The following KCNJ3 variants were observed in gnomAD, a reference collection of about 807,000 sequenced individuals.
The protein encoded by KCNJ3 is G protein-activated inward rectifier potassium channel 1.
A neutral mutation model predicts 39.2 loss-of-function variants in KCNJ3; 4 were observed. The observed-to-expected ratio is 0.10, with a 90% confidence interval of 0.05 to 0.23. The LOEUF (loss-of-function observed/expected upper bound fraction) is 0.23. Among genes scored for constraint, KCNJ3 ranks in the 10% least tolerant of loss-of-function variants. The pLI is 1.00. For synonymous variants in KCNJ3, 230 were observed against 237.4 expected, an observed-to-expected ratio of 0.97 and a Z score of 0.29; for missense variants, 276 against 634.9, an observed-to-expected ratio of 0.43 and a Z score of 6.08.
chr2:154,802,951 T>C (rs1374847541), intron 2 of KCNJ3, among the ~76,000 whole-genome samples: 1 of 152,088 alleles, frequency 6.6e-6, no homozygotes, highest in Non-Finnish European at 1.5e-5. Context: ...ACCCACTTTC[T>C]AACAGTAAAT....
At chr2:154,762,104 G>A (rs2105189659) in intron 2 of KCNJ3, among the ~76,000 whole-genome samples, 1 of 152,306 alleles carries the variant, frequency 6.6e-6, no homozygotes, top group Admixed American at 6.5e-5. Context: ...GGAGCCTCCA[G>A]CAGGAACACA....
chr2:154,841,802 T>G (rs1459765497), intron 2 of KCNJ3, among the ~76,000 whole-genome samples: 1 of 152,202 alleles, frequency 6.6e-6, no homozygotes, highest in African/African-American at 2.4e-5. Context: ...CATTTTTTAT[T>G]GCATCTATTT....
intron 2 of KCNJ3, among the ~76,000 whole-genome samples, chr2:154,791,766 C>G (rs1353107611): frequency 6.6e-6 from 1 of 151,912 alleles, no homozygotes; most frequent in Non-Finnish European, 1.5e-5. Context: ...GTGATTCAAG[C>G]AGAAAATACA....
intron 2 of KCNJ3, among the ~76,000 whole-genome samples, chr2:154,798,885 A>C (rs1018838672): frequency 6.6e-6 from 1 of 151,834 alleles, no homozygotes; most frequent in Non-Finnish European, 1.5e-5. Context: ...TATGAATAGT[A>C]CTGATGGTGT....
intron 2 of KCNJ3, among the ~76,000 whole-genome samples, chr2:154,844,376 T>G (rs1687630951): frequency 6.6e-6 from 1 of 152,208 alleles, no homozygotes; most frequent in Admixed American, 6.5e-5. Context: ...TATTGGGAGA[T>G]GTCTCCCAGT....
At chr2:154,715,954 T>G (rs1360361908) in intron 2 of KCNJ3, among the ~76,000 whole-genome samples, 3 of 152,216 alleles carry the variant, frequency 2.0e-5, no homozygotes, top group African/African-American at 7.2e-5. Context: ...CCATTTTAGA[T>G]AAATTCTCTG....
chr2:154,742,925 T>C (rs1685676583), intron 2 of KCNJ3, among the ~76,000 whole-genome samples: 1 of 151,888 alleles, frequency 6.6e-6, no homozygotes, highest in Non-Finnish European at 1.5e-5. Flanking sequence ...TTTTGTATCA[T>C]AGCCAAAAAA....
intron 2 of KCNJ3, among the ~76,000 whole-genome samples, chr2:154,770,892 C>CTTTT (rs35293315): frequency 7.8e-6 from 1 of 127,684 alleles, no homozygotes; most frequent in African/African-American, 2.9e-5. Context: ...TTTTCTTTTT[C>CTTTT]TTTTTTTTTT....
chr2:154,785,259 T>C (rs1472353573), intron 2 of KCNJ3, among the ~76,000 whole-genome samples: 1 of 152,210 alleles, frequency 6.6e-6, no homozygotes, highest in Non-Finnish European at 1.5e-5. Context: ...AGAAATTGAT[T>C]CCTCACAGTT....
intron 2 of KCNJ3, among the ~76,000 whole-genome samples, chr2:154,762,502 A>G (rs1018135819): frequency 3.9e-5 from 6 of 152,166 alleles, no homozygotes; most frequent in African/African-American, 1.4e-4. Flanking sequence ...TGTAATAAGG[A>G]GATTCTAGAC....
chr2:154,764,463 A>G (rs916758419), intron 2 of KCNJ3, among the ~76,000 whole-genome samples: 3 of 152,206 alleles, frequency 2.0e-5, no homozygotes, highest in African/African-American at 7.2e-5. Flanking sequence ...ACAGCCTGGC[A>G]TTGGCATGAA....
chr2:154,797,494 T>C (rs1457686899), intron 2 of KCNJ3, among the ~76,000 whole-genome samples: 1 of 152,168 alleles, frequency 6.6e-6, no homozygotes. Flanking sequence ...TGGTATCTGA[T>C]GATTTTAGCC....
chr2:154,849,959 T>C (rs868065341), intron 2 of KCNJ3, among the ~76,000 whole-genome samples: 56 of 142,506 alleles, frequency 3.9e-4, no homozygotes, highest in African/African-American at 1.1e-3. Flanking sequence ...AACAATAATA[T>C]ATACCCTTTT....
At chr2:154,727,695 C>T (rs1344863617) in intron 2 of KCNJ3, among the ~76,000 whole-genome samples, 1 of 150,840 alleles carries the variant, frequency 6.6e-6, no homozygotes, top group African/African-American at 2.4e-5. Context: ...TATGATTTCT[C>T]ACGTTAAAAA....
chr2:154,813,894 A>C (rs371601045), intron 2 of KCNJ3, among the ~76,000 whole-genome samples: 17 of 152,218 alleles, frequency 1.1e-4, no homozygotes, highest in African/African-American at 4.1e-4. Context: ...AGATAAATGC[A>C]TTATCCCTTT....
At chr2:154,714,966 G>A (rs1267786428) in intron 2 of KCNJ3, among the ~76,000 whole-genome samples, 1 of 151,064 alleles carries the variant, frequency 6.6e-6, no homozygotes, top group Non-Finnish European at 1.5e-5. Flanking sequence ...GTGTAGGGAG[G>A]TCAGGGAAGG....
chr2:154,746,471 A>G (rs1685744522), intron 2 of KCNJ3, among the ~76,000 whole-genome samples: 2 of 151,570 alleles, frequency 1.3e-5, no homozygotes, highest in South Asian at 4.1e-4. Flanking sequence ...GTGTTATACT[A>G]TATTGATTTT....
intron 2 of KCNJ3, among the ~76,000 whole-genome samples, chr2:154,786,741 A>G (rs1686536479): frequency 6.6e-6 from 1 of 152,214 alleles, no homozygotes; most frequent in Admixed American, 6.5e-5. Context: ...AATGAATTTT[A>G]TTTTAGTTAA....
intron 2 of KCNJ3, among the ~76,000 whole-genome samples, chr2:154,726,021 T>G (rs761784126): frequency 2.6e-5 from 4 of 152,028 alleles, no homozygotes; most frequent in Non-Finnish European, 5.9e-5. Flanking sequence ...AAGATAACAT[T>G]AGAAAACACC....
Sources: allele counts gnomAD v4.1 joint callset (sites outside exome capture counted in the v4.1 genomes callset), GRCh38; gene constraint gnomAD v4.1.1; transcripts MANE v1.5; gene names NCBI Gene and HGNC (gene_info 2026-07-23, HGNC 2026-07-21).